The following RPS6KC1 variants were observed in gnomAD, a reference collection of about 807,000 sequenced individuals.
The protein encoded by RPS6KC1 is ribosomal protein S6 kinase C1.
A neutral mutation model predicts 103.8 loss-of-function variants in RPS6KC1; 54 were observed. The ratio of observed to expected loss-of-function variants is 0.52; its 90% CI spans 0.42 to 0.65. The LOEUF (loss-of-function observed/expected upper bound fraction) is 0.65. Among genes scored for constraint, RPS6KC1 ranks in the 30% least tolerant of loss-of-function variants. RPS6KC1 has a pLI of 0.00. For missense variants in RPS6KC1, 1,151 were observed against 1,253.8 expected (o/e 0.92, Z 1.24); for synonymous variants, 439 against 438.7 (o/e 1.00, Z -0.01).
chr1:213,428,677 A>T, the RPS6KC1 span: 7 of 140,024 alleles, frequency 5.0e-5, no homozygotes, highest in African/African-American at 1.9e-4. Context: ...TTGTGCTATA[A>T]CTTTACTTGA....
At chr1:213,284,298 C>T in the RPS6KC1 span, among the ~76,000 whole-genome samples, 1 of 152,180 alleles carries the variant, frequency 6.6e-6, no homozygotes, top group Non-Finnish European at 1.5e-5. Flanking sequence ...CAGTGGATTG[C>T]TTTGGCCGGG....
chr1:213,285,191 C>T, the RPS6KC1 span, among the ~76,000 whole-genome samples: 4 of 152,166 alleles, frequency 2.6e-5, no homozygotes, highest in African/African-American at 9.7e-5. Context: ...TAGACGCCGG[C>T]TTGCTGTGTC....
At chr1:213,630,849 C>A in the RPS6KC1 span, among the ~76,000 whole-genome samples, 5 of 152,156 alleles carry the variant, frequency 3.3e-5, no homozygotes, top group East Asian at 9.6e-4. Flanking sequence ...CACTCCAGAC[C>A]CTGTTTTCCT....
In RPS6KC1 at chr1:213,145,967, GTTTTTTTTTTTTTTTT is replaced by G. The variant is rs71573864; in HGVS notation, c.835+16090_835+16105del. ...CAAATAGGTCTTATTCATTCATTCTGTTTTTTTTTTTTTTTTTTTTTTTTTTTGGTATATGTTAATC... is the reference window on the plus strand; with the variant it reads ...CAAATAGGTCTTATTCATTCATTCTGTTTTTTTTTTTGGTATATGTTAATC... On this transcript the variant is annotated intron_variant, in intron 6 of 14. Transcript: ENST00000366960. 5.3e-3 allele frequency among the ~76,000 whole-genome samples: 254 copies of G among 47,844 alleles called. 4 individuals are homozygous for G. The highest frequency in any genetic ancestry group is 0.014 in the Admixed American group (40 of 2,906). The allele number at this position is 47,844 out of a possible 152,430, so 31.4% of individuals were successfully genotyped here. A position where few individuals can be genotyped will look rare whatever the true frequency, so the allele number is the denominator to read the frequency against.
the RPS6KC1 span, among the ~76,000 whole-genome samples, chr1:213,421,251 A>G: frequency 6.6e-6 from 1 of 151,900 alleles, no homozygotes; most frequent in Non-Finnish European, 1.5e-5. Context: ...AGCTGGGATT[A>G]CAGGTGCGCG....
At chr1:213,516,251 T>A in the RPS6KC1 span, among the ~76,000 whole-genome samples, 58 of 151,930 alleles carry the variant, frequency 3.8e-4, 1 homozygote, top group South Asian at 3.6e-3. Flanking sequence ...CCCTGGCCAG[T>A]ACTTCCAACA....
chr1:213,545,719 G>A, the RPS6KC1 span, among the ~76,000 whole-genome samples: 2 of 152,154 alleles, frequency 1.3e-5, no homozygotes, highest in African/African-American at 2.4e-5. Flanking sequence ...CAACCCATAT[G>A]AGTATCTTAG....
chr1:213,329,921 T>A, the RPS6KC1 span, among the ~76,000 whole-genome samples: 1 of 151,726 alleles, frequency 6.6e-6, no homozygotes, highest in Non-Finnish European at 1.5e-5. Context: ...AGCCGGCAAG[T>A]GAAACCTTGG....
At chr1:213,656,440 T>A in the RPS6KC1 span, among the ~76,000 whole-genome samples, 1 of 152,222 alleles carries the variant, frequency 6.6e-6, no homozygotes, top group African/African-American at 2.4e-5. Flanking sequence ...CAAAATTTGC[T>A]TATTTCTTAA....
the RPS6KC1 span, among the ~76,000 whole-genome samples, chr1:213,710,245 C>T: frequency 1.3e-5 from 2 of 152,134 alleles, no homozygotes; most frequent in Non-Finnish European, 2.9e-5. Flanking sequence ...CTTCTTGTTG[C>T]ATTGGTCACT....
chr1:213,382,784 C>G, the RPS6KC1 span, among the ~76,000 whole-genome samples: 4 of 152,182 alleles, frequency 2.6e-5, no homozygotes, highest in East Asian at 5.8e-4. Flanking sequence ...GACACCCGTT[C>G]GAGCCATTTT....
the RPS6KC1 span, among the ~76,000 whole-genome samples, chr1:213,634,286 G>C: frequency 3.3e-5 from 5 of 152,112 alleles, no homozygotes; most frequent in Non-Finnish European, 7.4e-5. Context: ...ATTCTTCTCA[G>C]CACCACATTG....
chr1:213,531,499 CA>C, the RPS6KC1 span, among the ~76,000 whole-genome samples: 3 of 152,264 alleles, frequency 2.0e-5, no homozygotes, highest in South Asian at 6.2e-4. Context: ...GAGCCTACGG[CA>C]CAGGTAAGGT....
chr1:213,554,271 T>C, the RPS6KC1 span, among the ~76,000 whole-genome samples: 1 of 152,212 alleles, frequency 6.6e-6, no homozygotes, highest in Non-Finnish European at 1.5e-5. Flanking sequence ...GCACCATTTA[T>C]TGAATAGGGA....
At chr1:213,747,915 A>G in the RPS6KC1 span, among the ~76,000 whole-genome samples, 1 of 152,240 alleles carries the variant, frequency 6.6e-6, no homozygotes, top group Admixed American at 6.5e-5. Context: ...TAATTATGGT[A>G]TGGACAATAT....
At chr1:213,491,394 A>G in the RPS6KC1 span, among the ~76,000 whole-genome samples, 166 of 152,256 alleles carry the variant, frequency 1.1e-3, no homozygotes, top group African/African-American at 3.8e-3. Context: ...CCTAAAATCC[A>G]AAAATTAATC....
chr1:213,687,064 T>G, the RPS6KC1 span, among the ~76,000 whole-genome samples: 1 of 152,252 alleles, frequency 6.6e-6, no homozygotes, highest in African/African-American at 2.4e-5. Flanking sequence ...GAGGTTACTT[T>G]CATCACCATC....
chr1:213,232,219 G>A lies in RPS6KC1; in HGVS notation c.1189G>A (p.Glu397Lys). The change falls in exon 10 of 15, where the codon GAG becomes AAG. Residue 397 changes from glutamate to lysine, a missense_variant. Glu to Lys is a moderately conservative substitution (Grantham distance 56). Transcript: ENST00000366960. ...MVCLHKYIIS[E>K]ESVFLVLQHA... Reference sequence around the variant, plus strand: ...GTGTCTGCATAAGTACATCATCTCTGAGGAGTCAGTATTTCTTGTGCTGCA... The same window carrying A: ...GTGTCTGCATAAGTACATCATCTCTAAGGAGTCAGTATTTCTTGTGCTGCA... 1 of 1,614,024 alleles carries A rather than the reference G, an allele frequency of 6.2e-7. No homozygotes were observed. Among genetic ancestry groups the A allele is most frequent in the South Asian group, 1.1e-5 (1 of 91,076 alleles).
At chr1:213,735,499 T>G in the RPS6KC1 span, among the ~76,000 whole-genome samples, 5 of 152,182 alleles carry the variant, frequency 3.3e-5, no homozygotes, top group Non-Finnish European at 7.3e-5. Flanking sequence ...GTCGGGCCAG[T>G]CAAACAAAGG....
Sources: allele counts gnomAD v4.1 joint callset (sites outside exome capture counted in the v4.1 genomes callset), GRCh38; gene constraint gnomAD v4.1.1; transcripts MANE v1.5; gene names NCBI Gene and HGNC (gene_info 2026-07-23, HGNC 2026-07-21).